Variants in ALKBH1 observed in about 807,000 individuals in gnomAD.
The protein encoded by ALKBH1 is alkB homolog 1, histone H2A dioxygenase, also known as nucleic acid dioxygenase ALKBH1.
In ALKBH1, 31 loss-of-function variants were observed where a neutral mutation model predicts 36.6. The ratio of observed to expected loss-of-function variants is 0.85; its 90% CI spans 0.64 to 1.14. The LOEUF (loss-of-function observed/expected upper bound fraction) is 1.14. Among genes scored for constraint, ALKBH1 ranks in the 50% most tolerant of loss-of-function variants. The probability of loss-of-function intolerance (pLI) is 0.00; values close to 1 mark genes in which losing one functional copy is unlikely to be tolerated. For missense variants in ALKBH1, 490 were observed against 497.3 expected (o/e 0.99, Z 0.14); for synonymous variants, 183 against 186.6 (o/e 0.98, Z 0.16).
intron 2 of ALKBH1, among the ~76,000 whole-genome samples, chr14:77,697,854 A>T (rs1337176059): frequency 6.6e-6 from 1 of 152,044 alleles, no homozygotes; most frequent in African/African-American, 2.4e-5. Flanking sequence ...CTCTACAAAA[A>T]ATACAAAAAT....
intron 3 of ALKBH1, among the ~76,000 whole-genome samples, chr14:77,694,345 C>A (rs1345264692): frequency 5.9e-5 from 9 of 152,150 alleles, no homozygotes; most frequent in Non-Finnish European, 1.2e-4. Context: ...ACGGCTAGTA[C>A]CACTGAATCC....
chr14:77,675,998 C>A, intron 4 of ALKBH1, 149 bp from the exon 5 acceptor site: 2 of 564,472 alleles, frequency 3.5e-6, no homozygotes, highest in Non-Finnish European at 5.9e-6. Flanking sequence ...CTTTTCTTTT[C>A]TTTTTTTTTT....
chr14:77,702,121 A>C (rs2139865713), intron 2 of ALKBH1, among the ~76,000 whole-genome samples: 1 of 152,286 alleles, frequency 6.6e-6, no homozygotes, highest in East Asian at 1.9e-4. Flanking sequence ...CAACATGGTG[A>C]AACCCCATCT....
chr14:77,691,938 G>A (rs931152984), intron 3 of ALKBH1: 3 of 152,098 alleles, frequency 2.0e-5, no homozygotes, highest in Non-Finnish European at 4.4e-5. Context: ...ACTACTAAAA[G>A]CTCATGGACA....
Position 77,694,802 on chromosome 14 carries a change from G to C in ALKBH1, c.391C>G (p.Leu131Val). 6.2e-7 allele frequency: 1 copy of C among 1,608,514 alleles called. No homozygotes were observed. The highest frequency in any genetic ancestry group is 8.5e-7 in the Non-Finnish European group (1 of 1,177,596). The change falls in exon 3 of 6, where the codon CTG becomes GTG. Residue 131 changes from leucine to valine, a missense_variant. Leu to Val is a conservative substitution (Grantham distance 32). Transcript: ENST00000216489. ...LYSQKPNVCN[L>V]DKHMSKEETQ... The stretch of plus-strand genomic sequence containing the variant: ...TCTTCTTTAGACATGTGTTTGTCCA[G>C]GTTACATACATTAGGTTTCTGGGAA...
chr14:77,696,788 G>A (rs1158633769), intron 2 of ALKBH1: 1 of 152,590 alleles, frequency 6.6e-6, no homozygotes, highest in Non-Finnish European at 1.5e-5. Flanking sequence ...GATGAGCAAA[G>A]ATATCCTGCT....
chr14:77,691,726 CT>C (rs1425968022), intron 3 of ALKBH1: 2 of 152,078 alleles, frequency 1.3e-5, no homozygotes, highest in Non-Finnish European at 2.9e-5. Context: ...AAAAAGGTAT[CT>C]CACCATTGTT....
At chr14:77,694,978 T>C in intron 2 of ALKBH1, 78 bp from the exon 3 acceptor site, 1 of 1,234,274 alleles carries the variant, frequency 8.1e-7, no homozygotes. Flanking sequence ...GACATCTTTA[T>C]ACTCACTATT....
chr14:77,691,960 A>T (rs1246149814), intron 3 of ALKBH1: 6 of 152,152 alleles, frequency 3.9e-5, no homozygotes, highest in African/African-American at 1.2e-4. Flanking sequence ...GATTTTCCTC[A>T]CTGCTCCTGT....
At chr14:77,690,412 C>A (rs2080290844) in intron 3 of ALKBH1, among the ~76,000 whole-genome samples, 1 of 152,170 alleles carries the variant, frequency 6.6e-6, no homozygotes, top group Admixed American at 6.5e-5. Flanking sequence ...TGGCTCCTGG[C>A]AGGGAACTTC....
intron 3 of ALKBH1, among the ~76,000 whole-genome samples, chr14:77,692,605 G>A (rs1028536964): frequency 2.0e-5 from 3 of 152,012 alleles, no homozygotes; most frequent in African/African-American, 7.2e-5. Context: ...CCCATGATTG[G>A]GGACCCCCCT....
chr14:77,675,992 TC>T, intron 4 of ALKBH1, 143 bp from the exon 5 acceptor site: 1 of 767,028 alleles, frequency 1.3e-6, no homozygotes, highest in Non-Finnish European at 2.0e-6. Flanking sequence ...TCCATTCTTT[TC>T]TTTTCTTTTT....
intron 3 of ALKBH1, among the ~76,000 whole-genome samples, chr14:77,689,766 A>G (rs1297529027): frequency 6.6e-6 from 1 of 152,224 alleles, no homozygotes; most frequent in Non-Finnish European, 1.5e-5. Context: ...TTTCATATAC[A>G]TAAAAATAGA....
chr14:77,685,847 C>T (rs137970257), intron 3 of ALKBH1, among the ~76,000 whole-genome samples: 306 of 151,920 alleles, frequency 2.0e-3, no homozygotes, highest in African/African-American at 6.7e-3. Flanking sequence ...AAGCCAGAGT[C>T]GAGTCTTACA....
intron 1 of ALKBH1, among the ~76,000 whole-genome samples, chr14:77,707,438 C>G (rs35910558): frequency 1.5e-3 from 221 of 152,318 alleles, no homozygotes; most frequent in Admixed American, 2.7e-3. Context: ...AGCGCCGCAT[C>G]CCTGTCAGTT....
chr14:77,674,084 C>G lies in ALKBH1; in HGVS notation c.898G>C (p.Gly300Arg), dbSNP rs757388904. The G allele has an allele frequency of 3.7e-6, 6 of 1,614,148 alleles. No homozygotes were observed. The highest frequency in any genetic ancestry group is 5.1e-6 in the Non-Finnish European group (6 of 1,180,024). The stretch of plus-strand genomic sequence containing the variant: ...GGTGCCTCTAGGCAGTGAGGCAGGC[C>G]TTCCCCTTCTGGATTTGGAAGGACA... ...PRVLPNPEGE[G>R]LPHCLEAPLP... Residue 300 changes from glycine (G) to arginine (R), a missense_variant, in exon 6 of 6, where the codon GGC becomes CGC. Coordinates refer to ENST00000216489, the MANE Select transcript of ALKBH1 (RefSeq NM_006020.3).
intron 3 of ALKBH1, among the ~76,000 whole-genome samples, chr14:77,682,103 T>C (rs2267763): frequency 0.47 from 71,400 of 152,022 alleles, 17,009 homozygotes; most frequent in African/African-American, 0.5. Flanking sequence ...AGGAGACAGA[T>C]AACTAATAAT....
chr14:77,699,207 G>A (rs764118606), intron 2 of ALKBH1, among the ~76,000 whole-genome samples: 8 of 152,186 alleles, frequency 5.3e-5, no homozygotes, highest in African/African-American at 1.4e-4. Context: ...AAGTCCTGGC[G>A]TAGACTATTA....
intron 2 of ALKBH1, 84 bp from the exon 3 acceptor site, chr14:77,694,984 C>A: frequency 2.5e-6 from 3 of 1,188,520 alleles, no homozygotes; most frequent in Non-Finnish European, 3.3e-6. Flanking sequence ...TTTATACTCA[C>A]TATTTTGTTA....
Sources: gnomAD v4.1 joint callset for allele counts (sites outside exome capture counted in the v4.1 genomes callset) on GRCh38, gnomAD v4.1.1 for gene constraint, MANE v1.5 for transcripts, NCBI Gene and HGNC (gene_info 2026-07-23, HGNC 2026-07-21) for gene names.